SPOCK1: variants seen among roughly 807,000 people sequenced by gnomAD.
SPOCK1 encodes testican-1.
A neutral mutation model predicts 55.3 loss-of-function variants in SPOCK1; 23 were observed. That is an observed-to-expected ratio of 0.42 (90% CI 0.30 to 0.59). SPOCK1 has a LOEUF of 0.59. Ranked by LOEUF, SPOCK1 falls within the 20% of genes least tolerant of loss-of-function variation. SPOCK1 has a pLI of 0.22. For missense variants in SPOCK1, 499 were observed against 552.5 expected (o/e 0.90, Z 0.97); for synonymous variants, 226 against 221.0 (o/e 1.02, Z -0.20).
At chr5:137,095,793 G>A (rs534840767) in intron 5 of SPOCK1, among the ~76,000 whole-genome samples, 3 of 152,294 alleles carry the variant, frequency 2.0e-5, no homozygotes, top group East Asian at 3.9e-4. Flanking sequence ...AAGCAATAAA[G>A]TAATACTGTT....
chr5:136,993,571 A>G (rs1750989075), intron 6 of SPOCK1, among the ~76,000 whole-genome samples: 1 of 152,180 alleles, frequency 6.6e-6, no homozygotes, highest in South Asian at 2.1e-4. Context: ...CAAAATTCCA[A>G]TGAGTAAAAG....
At chr5:137,184,169 G>C (rs1413326487) in intron 3 of SPOCK1, among the ~76,000 whole-genome samples, 1 of 152,170 alleles carries the variant, frequency 6.6e-6, no homozygotes, top group Non-Finnish European at 1.5e-5. Context: ...ATGTAAAGTA[G>C]GCTTTTGCAG....
chr5:137,449,508 C>A lies in SPOCK1; in HGVS notation c.186+48865G>T, dbSNP rs571169422. 3.9e-5 allele frequency among the ~76,000 whole-genome samples: 6 copies of A among 152,246 alleles called. No individual in the cohort carries two copies. In the East Asian group the frequency reaches 1.2e-3, roughly 29 times the overall value. Reference sequence around the variant, plus strand: ...GCAGCATCACAGAGATGGGCTCTGCCAAGTAGATACTGTCAAATTTTAGAG... The same window carrying A: ...GCAGCATCACAGAGATGGGCTCTGCAAAGTAGATACTGTCAAATTTTAGAG... On this transcript the variant is annotated intron_variant, in intron 2 of 10. Coordinates refer to ENST00000394945, the MANE Select transcript of SPOCK1 (RefSeq NM_004598.4).
chr5:137,239,550 G>A (rs1184651894), intron 3 of SPOCK1, among the ~76,000 whole-genome samples: 2 of 152,106 alleles, frequency 1.3e-5, no homozygotes, highest in Non-Finnish European at 2.9e-5. Flanking sequence ...GGGCAGTCTT[G>A]TAGGATTGAG....
intron 2 of SPOCK1, among the ~76,000 whole-genome samples, chr5:137,302,808 A>G (rs2905545): frequency 0.85 from 130,041 of 152,114 alleles, 55,850 homozygotes; most frequent in African/African-American, 0.93. Context: ...TCAAAATAGT[A>G]CATCTTTTGC....
chr5:137,077,918 T>C (rs1386053113), intron 5 of SPOCK1, among the ~76,000 whole-genome samples: 1 of 151,940 alleles, frequency 6.6e-6, no homozygotes, highest in Non-Finnish European at 1.5e-5. Flanking sequence ...TCCCAGAAAC[T>C]CTAGGAAGTT....
At chr5:137,194,200 C>A (rs1486637725) in intron 3 of SPOCK1, among the ~76,000 whole-genome samples, 3 of 152,204 alleles carry the variant, frequency 2.0e-5, no homozygotes, top group Admixed American at 6.5e-5. Context: ...AACAGTATCA[C>A]CCACAGGTGG....
chr5:137,149,445 G>A (rs866126919), intron 3 of SPOCK1, among the ~76,000 whole-genome samples: 3 of 152,124 alleles, frequency 2.0e-5, no homozygotes, highest in Admixed American at 6.6e-5. Flanking sequence ...AGACATTTAT[G>A]AACAAAGGAG....
intron 6 of SPOCK1, among the ~76,000 whole-genome samples, chr5:137,009,735 A>C (rs1751316393): frequency 6.6e-6 from 1 of 152,160 alleles, no homozygotes; most frequent in African/African-American, 2.4e-5. Flanking sequence ...AGGATTTTTT[A>C]ATCAACACAA....
intron 2 of SPOCK1, among the ~76,000 whole-genome samples, chr5:137,284,907 A>G (rs1166027687): frequency 6.6e-6 from 1 of 151,434 alleles, no homozygotes; most frequent in Non-Finnish European, 1.5e-5. Flanking sequence ...GGACCTCTGC[A>G]TGGCTCCTGG....
In SPOCK1 at chr5:137,444,926, G is replaced by A. The variant is rs138108896; in HGVS notation, c.186+53447C>T. ...CCCAGCTACCTAAGTTCCTCTCCCA[G>A]CTCCTAGTCCAAATACCCAGGAAAG... On this transcript the variant is annotated intron_variant, in intron 2 of 10. Transcript: ENST00000394945. 2.9e-4 allele frequency among the ~76,000 whole-genome samples: 44 copies of A among 152,288 alleles called. No homozygotes were observed. In the South Asian group the frequency reaches 3.1e-3, roughly 11 times the overall value.
At chr5:137,254,072 C>A (rs1756590055) in intron 3 of SPOCK1, among the ~76,000 whole-genome samples, 1 of 152,172 alleles carries the variant, frequency 6.6e-6, no homozygotes, top group Admixed American at 6.5e-5. Flanking sequence ...TCTCCTCCTG[C>A]CTAATCACTG....
intron 2 of SPOCK1, among the ~76,000 whole-genome samples, chr5:137,437,332 C>T (rs1053483643): frequency 2.6e-5 from 4 of 152,170 alleles, no homozygotes; most frequent in Non-Finnish European, 5.9e-5. Flanking sequence ...TAGAGGAGCA[C>T]AGAGGAAACA....
chr5:137,085,777 A>G (rs1372661422), intron 5 of SPOCK1, among the ~76,000 whole-genome samples: 1 of 152,196 alleles, frequency 6.6e-6, no homozygotes, highest in African/African-American at 2.4e-5. Flanking sequence ...CTCTAAGGTA[A>G]GCATGCTTGG....
intron 2 of SPOCK1, among the ~76,000 whole-genome samples, chr5:137,358,967 C>G (rs541116239): frequency 1.3e-5 from 2 of 152,266 alleles, no homozygotes; most frequent in African/African-American, 2.4e-5. Context: ...CAGTATAGAA[C>G]AGAGCACAGC....
intron 3 of SPOCK1, among the ~76,000 whole-genome samples, chr5:137,255,521 C>T (rs1286442591): frequency 6.6e-6 from 1 of 152,054 alleles, no homozygotes; most frequent in Non-Finnish European, 1.5e-5. Context: ...TTACATATGC[C>T]TACAAGTTGT....
At chr5:137,420,688 T>C (rs1204622508) in intron 2 of SPOCK1, among the ~76,000 whole-genome samples, 1 of 152,186 alleles carries the variant, frequency 6.6e-6, no homozygotes, top group African/African-American at 2.4e-5. Flanking sequence ...CTTCTCTCTT[T>C]TCTTCTTTAT....
chr5:137,075,951 A>AT (rs1752749801), intron 5 of SPOCK1, among the ~76,000 whole-genome samples: 2 of 152,140 alleles, frequency 1.3e-5, no homozygotes, highest in Non-Finnish European at 2.9e-5. Context: ...TTTCTGTGGG[A>AT]TTTTTTACTT....
intron 3 of SPOCK1, among the ~76,000 whole-genome samples, chr5:137,217,100 C>A (rs1307229750): frequency 6.6e-6 from 1 of 152,088 alleles, no homozygotes; most frequent in African/African-American, 2.4e-5. Context: ...TGAGAAGCCA[C>A]AAGGAATCAA....
Sources: allele counts gnomAD v4.1 joint callset (sites outside exome capture counted in the v4.1 genomes callset), GRCh38; gene constraint gnomAD v4.1.1; transcripts MANE v1.5; gene names NCBI Gene and HGNC (gene_info 2026-07-23, HGNC 2026-07-21).